The following NCOA2 variants were observed in gnomAD, a reference collection of about 807,000 sequenced individuals.
NCOA2 encodes class E basic helix-loop-helix protein 75.
NCOA2 carries 21 observed loss-of-function variants against 145.1 expected under a neutral mutation model. The ratio of observed to expected loss-of-function variants is 0.14; its 90% CI spans 0.10 to 0.21. The LOEUF is 0.21. Among genes scored for constraint, NCOA2 ranks in the 10% least tolerant of loss-of-function variants. The probability of loss-of-function intolerance (pLI) is 1.00; values close to 1 mark genes in which losing one functional copy is unlikely to be tolerated. For synonymous variants in NCOA2, 619 were observed against 637.5 expected (o/e 0.97, Z 0.44); for missense variants, 1,472 against 1,837.6 (o/e 0.80, Z 3.64).
intron 1 of NCOA2, among the ~76,000 whole-genome samples, chr8:70,394,629 A>G (rs1813495381): frequency 6.6e-6 from 1 of 152,224 alleles, no homozygotes; most frequent in Non-Finnish European, 1.5e-5. Context: ...AGAGGCAGGC[A>G]TTCTTCAAGT....
rs569128880 is a variant in NCOA2 at position 70,138,030 on chromosome 8, G to GT, written c.3158+172dup. 7.4e-4 allele frequency: 366 copies of GT among 492,510 alleles called. 1 individual carries two copies. The highest frequency in any genetic ancestry group is 7.9e-4 in the Non-Finnish European group (232 of 295,146). The allele number at this position is 492,510 out of a possible 1,614,324, so 30.5% of individuals were successfully genotyped here. On this transcript the variant is annotated intron_variant, in intron 15 of 22. Coordinates refer to ENST00000452400, the MANE Select transcript of NCOA2 (RefSeq NM_006540.4). The stretch of plus-strand genomic sequence containing the variant: ...CATTTAATTTGTAACTCCTTTAAAG[G>GT]TATGTCCTAGGTCATACTGATTTCT...
intron 4 of NCOA2, among the ~76,000 whole-genome samples, chr8:70,181,441 GC>G (rs1815470228): frequency 6.6e-6 from 1 of 152,158 alleles, no homozygotes; most frequent in South Asian, 2.1e-4. Flanking sequence ...CTGTAATAAT[GC>G]ATCTACTGAG....
At chr8:70,426,062 T>G in the NCOA2 span, among the ~76,000 whole-genome samples, 5 of 152,188 alleles carry the variant, frequency 3.3e-5, no homozygotes, top group African/African-American at 9.7e-5. Flanking sequence ...GAATAAAAAT[T>G]AGATGCTAAG....
At chr8:70,136,929 G>C (rs1167762531) in intron 15 of NCOA2, among the ~76,000 whole-genome samples, 1 of 152,184 alleles carries the variant, frequency 6.6e-6, no homozygotes. Context: ...AACTTTAAAC[G>C]TAATGAAAAT....
the NCOA2 span, among the ~76,000 whole-genome samples, chr8:70,421,442 T>C: frequency 6.6e-6 from 1 of 151,924 alleles, no homozygotes; most frequent in Admixed American, 6.6e-5. Context: ...CCTCTAGTCG[T>C]AGCTACTCAG....
chr8:70,291,172 T>C (rs1826651683), intron 2 of NCOA2, among the ~76,000 whole-genome samples: 1 of 152,228 alleles, frequency 6.6e-6, no homozygotes, highest in African/African-American at 2.4e-5. Context: ...ATATGTATTT[T>C]ATTAACAATC....
At chr8:70,216,348 G>A (rs775010990) in intron 3 of NCOA2, among the ~76,000 whole-genome samples, 2 of 152,000 alleles carry the variant, frequency 1.3e-5, no homozygotes, top group Middle Eastern at 3.4e-3. Context: ...TAAAATTAAC[G>A]GCAAATCCTT....
At chr8:70,373,889 A>G (rs1811436980) in intron 1 of NCOA2, among the ~76,000 whole-genome samples, 2 of 152,226 alleles carry the variant, frequency 1.3e-5, no homozygotes, top group African/African-American at 4.8e-5. Flanking sequence ...TAAGACCACA[A>G]TACTTTCATT....
intron 2 of NCOA2, among the ~76,000 whole-genome samples, chr8:70,269,360 C>T (rs1459748911): frequency 6.6e-6 from 1 of 151,936 alleles, no homozygotes; most frequent in Non-Finnish European, 1.5e-5. Context: ...ACCTATAATC[C>T]CACTGCTTTG....
chr8:70,314,207 A>AAAAAAAAAAAC (rs1805383717), intron 1 of NCOA2, among the ~76,000 whole-genome samples: 1 of 143,524 alleles, frequency 7.0e-6, no homozygotes, highest in African/African-American at 2.5e-5. Context: ...AAAAAAAAAA[A>AAAAAAAAAAAC]AGCAACTGTC....
intron 1 of NCOA2, among the ~76,000 whole-genome samples, chr8:70,352,404 G>A (rs1423842381): frequency 5.9e-5 from 9 of 152,100 alleles, no homozygotes; most frequent in Admixed American, 5.9e-4. Context: ...CTGATATAAA[G>A]CTAAGTCCCC....
chr8:70,205,082 T>A lies in NCOA2; in HGVS notation c.259+8821A>T, dbSNP rs139817976. Among the ~76,000 whole-genome samples the A allele has an allele frequency of 2.0e-5, 3 of 152,116 alleles. No individual in the cohort carries two copies. In the East Asian group the frequency reaches 5.8e-4, roughly 29 times the overall value. Reference sequence around the variant, plus strand: ...TGCCATCAAGAAATCTGTCATTCAGTGGGTGAAGAGAAAGTGAAGTACCTA... The same window carrying A: ...TGCCATCAAGAAATCTGTCATTCAGAGGGTGAAGAGAAAGTGAAGTACCTA... On this transcript the variant is annotated intron_variant, in intron 4 of 22. Coordinates refer to ENST00000452400, the MANE Select transcript of NCOA2 (RefSeq NM_006540.4).
At chr8:70,455,631 T>C in the NCOA2 span, among the ~76,000 whole-genome samples, 1 of 151,452 alleles carries the variant, frequency 6.6e-6, no homozygotes, top group Non-Finnish European at 1.5e-5. Flanking sequence ...CTTTGGTCTC[T>C]ACAAAGGCTG....
chr8:70,424,363 A>T, the NCOA2 span: 1 of 371,306 alleles, frequency 2.7e-6, no homozygotes, highest in African/African-American at 2.1e-5. Flanking sequence ...GAATGCATGG[A>T]TTCTGCTTAG....
rs1308034894 is a variant in NCOA2 at position 70,156,471 on chromosome 8, G to A, written c.1894C>T (p.Leu632=). 2 of 1,613,806 alleles carry A rather than the reference G, an allele frequency of 1.2e-6. No homozygotes were observed. Among genetic ancestry groups the A allele is most frequent in the Non-Finnish European group, 1.7e-6 (2 of 1,179,908 alleles). ...TTGGTCTGCCCTTTGCTGTCATGCA[G>A]TCTGCTCTGCCCGTCAGCTCTCTCA... ...SSERADGQSR[L]HDSKGQTKLL... is the part of the protein sequence containing the mutation. The change falls in exon 11 of 23, where the codon CTG becomes TTG. Residue 632 remains leucine, a synonymous_variant. Coordinates refer to ENST00000452400, the MANE Select transcript of NCOA2 (RefSeq NM_006540.4).
intron 5 of NCOA2, among the ~76,000 whole-genome samples, chr8:70,171,665 C>A (rs1814271032): frequency 6.6e-6 from 1 of 152,114 alleles, no homozygotes; most frequent in African/African-American, 2.4e-5. Context: ...GTGTTTATTA[C>A]AATTTTATCT....
At chr8:70,321,224 T>G (rs958705704) in intron 1 of NCOA2, among the ~76,000 whole-genome samples, 1 of 152,204 alleles carries the variant, frequency 6.6e-6, no homozygotes, top group Admixed American at 6.5e-5. Flanking sequence ...TCAAAATTCT[T>G]AAATTTCAAA....
At chr8:70,309,361 A>G (rs1041785759) in intron 1 of NCOA2, among the ~76,000 whole-genome samples, 1 of 151,908 alleles carries the variant, frequency 6.6e-6, no homozygotes, top group Non-Finnish European at 1.5e-5. Flanking sequence ...AAATAGTAAT[A>G]AGGACTTAAA....
At chr8:70,377,767 C>T (rs964851301) in intron 1 of NCOA2, among the ~76,000 whole-genome samples, 77 of 152,086 alleles carry the variant, frequency 5.1e-4, no homozygotes, top group African/African-American at 1.8e-3. Flanking sequence ...TAATTGAGCA[C>T]CAAAAATGTG....
Sources: allele counts gnomAD v4.1 joint callset (sites outside exome capture counted in the v4.1 genomes callset), GRCh38; gene constraint gnomAD v4.1.1; transcripts MANE v1.5; gene names NCBI Gene and HGNC (gene_info 2026-07-23, HGNC 2026-07-21).